The following SHBG variants were observed in gnomAD, a reference collection of about 807,000 sequenced individuals.
SHBG encodes sex hormone-binding globulin.
In SHBG, 37 loss-of-function variants were observed where a neutral mutation model predicts 41.9. That is an observed-to-expected ratio of 0.88 (90% CI 0.68 to 1.16). The LOEUF (loss-of-function observed/expected upper bound fraction) is 1.16. Among genes scored for constraint, SHBG ranks in the 50% most tolerant of loss-of-function variants. The probability of loss-of-function intolerance (pLI) is 0.00; values close to 1 mark genes in which losing one functional copy is unlikely to be tolerated. For missense variants in SHBG, 466 were observed against 499.9 expected, an observed-to-expected ratio of 0.93 and a Z score of 0.65; for synonymous variants, 217 against 205.8, an observed-to-expected ratio of 1.05 and a Z score of -0.47.
At chr17:7,624,105 C>T (rs2072147826), upstream of SHBG, among the ~76,000 whole-genome samples, 2 of 152,082 alleles carry the variant, frequency 1.3e-5, no homozygotes, top group African/African-American at 4.8e-5. Context: ...GCTTGCACCA[C>T]CAAGACCAGC....
chr17:7,617,313 G>T (rs187540002), intron 1 of SHBG, among the ~76,000 whole-genome samples: 1 of 151,994 alleles, frequency 6.6e-6, no homozygotes, highest in Admixed American at 6.6e-5. Flanking sequence ...TATTAATATT[G>T]CAACCATGGC....
In SHBG at chr17:7,618,167, C is replaced by T. The variant is rs375267417; in HGVS notation, c.-62+4056C>T. On this transcript the variant is annotated intron_variant, in intron 1 of 5. Coordinates refer to the SHBG transcript ENST00000570547. ...TTGGGAGGCTGAAGTTGCAGTGAGC[C>T]GAGATCACACCACTGCACTACATAC... 6.7e-5 allele frequency among the ~76,000 whole-genome samples: 10 copies of T among 150,318 alleles called. No homozygotes were observed. In the East Asian group the frequency reaches 8.1e-4, roughly 12 times the overall value.
intron 1 of SHBG, among the ~76,000 whole-genome samples, chr17:7,616,858 C>T (rs2072003238): frequency 6.6e-6 from 1 of 152,108 alleles, no homozygotes; most frequent in African/African-American, 2.4e-5. Flanking sequence ...ATTGCTTGAA[C>T]CTGGGAGGCA....
At position 7,631,715 on chromosome 17, in the gene SHBG, C is replaced by G. The variant is rs2072423224; in HGVS notation, c.682C>G (p.Pro228Ala). Residue 228 changes from proline to alanine, a missense_variant, in exon 5 of 8, where the codon CCT becomes GCT. By Grantham distance (27) the Pro-to-Ala change is conservative. Coordinates refer to ENST00000380450, the MANE Select transcript of SHBG (RefSeq NM_001040.5). ...DVESNPGIFLPPGTQAEFNLR... is the reference protein window; with the variant it reads ...DVESNPGIFLAPGTQAEFNLR... ...AGAATCAAATCCCGGGATATTTCTC[C>G]CTCCAGGGACTCAGGCAGAATTCAA... 1.2e-6 allele frequency: 2 copies of G among 1,614,014 alleles called. No individual in the cohort carries two copies. Among genetic ancestry groups the G allele is most frequent in the Non-Finnish European group, 1.7e-6 (2 of 1,180,018 alleles).
chr17:7,625,244 C>T (rs928840080), upstream of SHBG, among the ~76,000 whole-genome samples: 8 of 151,678 alleles, frequency 5.3e-5, no homozygotes, highest in South Asian at 2.1e-4. Context: ...CCACTGAGCC[C>T]GGCCAGGCAT....
In SHBG at chr17:7,633,156, C is replaced by T. The variant is rs116810561; in HGVS notation, c.1061-48C>T. The T allele has an allele frequency of 1.5e-3, 2,390 of 1,608,526 alleles. 45 individuals carry two copies. In the African/African-American group the frequency reaches 0.026, roughly 17 times the overall value. Reference sequence around the variant, plus strand: ...AAAAGTGGGGAGAAGATTCTGGATCCGAGCCACCTTAATGCTCTAATGCCA... The same window carrying T: ...AAAAGTGGGGAGAAGATTCTGGATCTGAGCCACCTTAATGCTCTAATGCCA... On this transcript the variant is annotated intron_variant, in intron 7 of 7. Coordinates refer to ENST00000380450, the MANE Select transcript of SHBG (RefSeq NM_001040.5).
Position 7,631,205 on chromosome 17 carries a change from A to C in SHBG, c.399A>C (p.Glu133Asp). The C allele has an allele frequency of 6.4e-7, 1 of 1,558,148 alleles. No individual in the cohort carries two copies. The highest frequency in any genetic ancestry group is 1.2e-5 in the South Asian group (1 of 84,826). ...RLDDGRWHQVEVKMEGDSVLL... is the reference protein window; with the variant it reads ...RLDDGRWHQVDVKMEGDSVLL... Reference sequence around the variant, plus strand: ...TGCTTCCCACCTTCCTGCAGGTGGAAGTCAAGATGGAGGGGGACTCTGTGC... The same window carrying C: ...TGCTTCCCACCTTCCTGCAGGTGGACGTCAAGATGGAGGGGGACTCTGTGC... Residue 133 changes from glutamate (E) to aspartate (D), a missense_variant, in exon 4 of 8, where the codon GAA becomes GAC. Physicochemically the swap from Glu to Asp is conservative, Grantham distance 45 (BLOSUM62 2). Coordinates refer to ENST00000380450, the MANE Select transcript of SHBG (RefSeq NM_001040.5).
At chr17:7,628,612 A>C (rs1016636024), upstream of SHBG, among the ~76,000 whole-genome samples, 2 of 151,858 alleles carry the variant, frequency 1.3e-5, no homozygotes, top group African/African-American at 4.8e-5. Context: ...TACCTGGCTA[A>C]TTTTTGTATT....
chr17:7,632,676 G>T (rs971941612), intron 6 of SHBG, 76 bp from the exon 7 acceptor site: 5 of 1,127,808 alleles, frequency 4.4e-6, no homozygotes, highest in Non-Finnish European at 6.8e-6. Context: ...AAGGCAGCTA[G>T]GGGTGAGGCC....
At chr17:7,624,533 C>T (rs990714442), upstream of SHBG, among the ~76,000 whole-genome samples, 37 of 152,066 alleles carry the variant, frequency 2.4e-4, no homozygotes, top group African/African-American at 8.7e-4. Flanking sequence ...AACCACTGCA[C>T]CCGGCCTAAT....
intron 1 of SHBG, among the ~76,000 whole-genome samples, chr17:7,617,043 C>T (rs2072007086): frequency 6.6e-6 from 1 of 152,112 alleles, no homozygotes; most frequent in South Asian, 2.1e-4. Flanking sequence ...TGGGAGTTGT[C>T]CTATGTTCCA....
chr17:7,615,128 A>G (rs2071945778), intron 1 of SHBG, among the ~76,000 whole-genome samples: 1 of 151,608 alleles, frequency 6.6e-6, no homozygotes, highest in South Asian at 2.1e-4. Flanking sequence ...TCCCCGCCCC[A>G]CAACACTGAG....
At chr17:7,616,781 C>A (rs1405533363) in intron 1 of SHBG, among the ~76,000 whole-genome samples, 1 of 146,564 alleles carries the variant, frequency 6.8e-6, no homozygotes, top group Non-Finnish European at 1.5e-5. Context: ...ACTAAAAATA[C>A]AAAAATTAGC....
chr17:7,627,983 G>C (rs1360449791), upstream of SHBG: 7 of 521,332 alleles, frequency 1.3e-5, no homozygotes, highest in Non-Finnish European at 2.6e-5. The surrounding 1 kb of genome is among the most constrained non-coding windows in gnomAD (Gnocchi z 4.8). Context: ...CTGGGCTCCT[G>C]GGTAGAGTTC....
At chr17:7,615,717 C>T (rs2071971040) in intron 1 of SHBG, among the ~76,000 whole-genome samples, 1 of 147,998 alleles carries the variant, frequency 6.8e-6, no homozygotes, top group South Asian at 2.1e-4. Context: ...GCCTGTAATC[C>T]CAGATACTCG....
upstream of SHBG, among the ~76,000 whole-genome samples, chr17:7,624,841 G>C (rs1168623937): frequency 1.3e-5 from 2 of 150,358 alleles, no homozygotes; most frequent in African/African-American, 4.9e-5. Context: ...TTGTAGAGAC[G>C]AGACTTTGCT....
chr17:7,630,445 C>G lies in SHBG; in HGVS notation c.141C>G (p.Leu47=). The part of the protein sequence containing the change: ...QSAHDPPAVH[L]SNGPGQEPIA... The stretch of plus-strand genomic sequence containing the variant: ...CCCACGACCCTCCGGCTGTCCACCT[C>G]AGCAATGGCCCAGGACAAGAGCCTA... Residue 47 remains leucine, a synonymous_variant, in exon 2 of 8, where the codon CTC becomes CTG. Transcript: ENST00000380450. This position sits in a 1 kb window ranked among gnomAD's most constrained non-coding sequence, Gnocchi z 4.6. 1 of 1,614,150 alleles carries G rather than the reference C, an allele frequency of 6.2e-7. No homozygotes were observed. The highest frequency in any genetic ancestry group is 8.5e-7 in the Non-Finnish European group (1 of 1,180,006).
chr17:7,622,991 C>T (rs1213805746), upstream of SHBG, among the ~76,000 whole-genome samples: 3 of 150,230 alleles, frequency 2.0e-5, no homozygotes, highest in Non-Finnish European at 3.0e-5. Flanking sequence ...GAGCCGAGAT[C>T]GCGCCACTGC....
In SHBG at chr17:7,631,323, G is replaced by T; in HGVS notation, c.517G>T (p.Gly173Trp). 1 of 1,613,784 alleles carries T rather than the reference G, an allele frequency of 6.2e-7. No individual in the cohort carries two copies. The highest frequency in any genetic ancestry group is 8.5e-7 in the Non-Finnish European group (1 of 1,179,870). Residue 173 changes from glycine to tryptophan, a missense_variant, in exon 4 of 8, where the codon GGG becomes TGG. Coordinates refer to ENST00000380450, the MANE Select transcript of SHBG (RefSeq NM_001040.5). The stretch of plus-strand genomic sequence containing the variant: ...CCATCCCATCATGAGGATTGCGCTT[G>T]GGGGGCTGCTCTTCCCCGCTTCCAA... ...KRHPIMRIAL[G>W]GLLFPASNLR...
Sources: gnomAD v4.1 joint callset for allele counts (sites outside exome capture counted in the v4.1 genomes callset) on GRCh38, gnomAD v4.1.1 for gene constraint, Gnocchi (gnomAD v3.1) non-coding constraint, MANE v1.5 for transcripts, NCBI Gene and HGNC (gene_info 2026-07-23, HGNC 2026-07-21) for gene names.